Variants in SYN2 observed in about 807,000 individuals in gnomAD.
The protein encoded by SYN2 is synapsin-2.
Under a neutral mutation model 50.9 loss-of-function variants are expected in SYN2, and 19 were observed. The observed-to-expected ratio is 0.37, with a 90% confidence interval of 0.26 to 0.55. SYN2 has a LOEUF of 0.55. Among genes scored for constraint, SYN2 ranks in the 20% least tolerant of loss-of-function variants. The probability of loss-of-function intolerance (pLI) is 0.81; values close to 1 mark genes in which losing one functional copy is unlikely to be tolerated. For synonymous variants in SYN2, 255 were observed against 224.9 expected, an observed-to-expected ratio of 1.13 and a Z score of -1.20; for missense variants, 587 against 576.4, an observed-to-expected ratio of 1.02 and a Z score of -0.19.
chr3:12,165,941 A>G (rs568952004), intron 7 of SYN2, among the ~76,000 whole-genome samples: 4 of 152,306 alleles, frequency 2.6e-5, no homozygotes, highest in Admixed American at 2.0e-4. Flanking sequence ...TGGACTAGAT[A>G]TATAATCTCG....
intron 1 of SYN2, among the ~76,000 whole-genome samples, chr3:12,127,892 T>C (rs1696705388): frequency 6.6e-6 from 1 of 152,194 alleles, no homozygotes; most frequent in African/African-American, 2.4e-5. Context: ...ACAGAATCAA[T>C]GCATCAGCAA....
Position 12,161,609 on chromosome 3 carries a change from G to A in SYN2, c.837+1G>A. On this transcript the variant is annotated splice_donor_variant, in intron 6 of 12. Coordinates refer to ENST00000621198, the MANE Select transcript of SYN2 (RefSeq NM_133625.6). LOFTEE classifies it high-confidence loss of function. ...CCACGCTCACTCAGGCATGGGCAAG[G>A]TGAGGCAGAGAGGCCTGCTGTGCTT... 1 of 1,614,056 alleles carries A rather than the reference G, an allele frequency of 6.2e-7. No homozygotes were observed. Among genetic ancestry groups the A allele is most frequent in the Non-Finnish European group, 8.5e-7 (1 of 1,179,900 alleles).
intron 1 of SYN2, among the ~76,000 whole-genome samples, chr3:12,114,963 A>G (rs1696400448): frequency 6.6e-6 from 1 of 152,084 alleles, no homozygotes; most frequent in African/African-American, 2.4e-5. Context: ...TTTCCTCCAC[A>G]ATATGCCCCC....
intron 4 of SYN2, among the ~76,000 whole-genome samples, chr3:12,150,070 C>T (rs994344537): frequency 2.6e-5 from 4 of 152,224 alleles, no homozygotes; most frequent in Non-Finnish European, 5.9e-5. Flanking sequence ...GCCCCAACCT[C>T]GTCTCCCCTC....
At chr3:12,152,924 C>T (rs902916459) in intron 5 of SYN2, 16 of 176,396 alleles carry the variant, frequency 9.1e-5, no homozygotes, top group Admixed American at 3.2e-4. Context: ...GGGATAACAG[C>T]ATTGGAAGGC....
At chr3:12,064,828 G>T (rs1695177223) in intron 1 of SYN2, among the ~76,000 whole-genome samples, 1 of 152,094 alleles carries the variant, frequency 6.6e-6, no homozygotes, top group Non-Finnish European at 1.5e-5. Flanking sequence ...TTCCTCAGAA[G>T]TTAAATGTAG....
intron 1 of SYN2, among the ~76,000 whole-genome samples, chr3:12,084,687 A>G (rs1017690262): frequency 6.6e-6 from 1 of 152,232 alleles, no homozygotes; most frequent in East Asian, 1.9e-4. Context: ...AGGTTGAAAT[A>G]TTATATAGCT....
At chr3:12,071,498 G>A in intron 1 of SYN2, 1 of 410,600 alleles carries the variant, frequency 2.4e-6, no homozygotes, top group Non-Finnish European at 4.9e-6. Flanking sequence ...TGTCCTTGAA[G>A]CTTGTATCTG....
intron 5 of SYN2, among the ~76,000 whole-genome samples, chr3:12,154,949 G>A (rs1697413210): frequency 6.6e-6 from 1 of 152,158 alleles, no homozygotes; most frequent in African/African-American, 2.4e-5. Context: ...CACAGGCCAG[G>A]CTCCTGCTCT....
intron 1 of SYN2, among the ~76,000 whole-genome samples, chr3:12,052,306 C>CTT (rs201378913): frequency 2.1e-5 from 3 of 145,322 alleles, no homozygotes; most frequent in South Asian, 2.2e-4. Flanking sequence ...TTTTTTTCTT[C>CTT]TTTTTTTTTT....
chr3:12,100,491 C>T (rs1696048669), intron 1 of SYN2, among the ~76,000 whole-genome samples: 1 of 152,040 alleles, frequency 6.6e-6, no homozygotes, highest in Non-Finnish European at 1.5e-5. Context: ...AATGGATTTA[C>T]AAACTAAGTG....
chr3:12,118,968 C>T (rs540756251), intron 1 of SYN2, among the ~76,000 whole-genome samples: 6 of 152,132 alleles, frequency 3.9e-5, no homozygotes, highest in Middle Eastern at 3.4e-3. Context: ...TTTTTTCATA[C>T]CAAATCTTAG....
chr3:12,183,655 A>G (rs1316484862), intron 11 of SYN2: 2 of 1,382,338 alleles, frequency 1.4e-6, no homozygotes, highest in Non-Finnish European at 1.9e-6. Flanking sequence ...TTTTCTCTGT[A>G]TAACTTGTGA....
intron 1 of SYN2, among the ~76,000 whole-genome samples, chr3:12,011,139 C>G (rs76434916): frequency 0.048 from 7,328 of 152,224 alleles, 245 homozygotes; most frequent in East Asian, 0.14. Context: ...GGATATGATC[C>G]TGAAAAAGCT....
intron 1 of SYN2, among the ~76,000 whole-genome samples, chr3:12,067,096 C>G (rs1444195872): frequency 6.6e-6 from 1 of 152,124 alleles, no homozygotes; most frequent in Non-Finnish European, 1.5e-5. Flanking sequence ...CTGGGTCCCT[C>G]CCACGACATG....
Position 12,143,263 on chromosome 3 carries a change from C to T in SYN2, c.527+1267C>T, listed in dbSNP as rs143865068. On this transcript the variant is annotated intron_variant, in intron 3 of 12. Coordinates refer to ENST00000621198, the MANE Select transcript of SYN2 (RefSeq NM_133625.6). ...CTGGGACACAAGAAGGTCAGAGCAG[C>T]TCTAACAGATGCCATATTTCTGTTT... is the stretch of plus-strand genomic sequence containing the variant. 4.6e-3 allele frequency among the ~76,000 whole-genome samples: 696 copies of T among 152,222 alleles called. 5 individuals are homozygous for T. The highest frequency in any genetic ancestry group is 0.016 in the African/African-American group (644 of 41,528).
intron 12 of SYN2, among the ~76,000 whole-genome samples, chr3:12,189,896 A>T (rs1698414566): frequency 6.6e-6 from 1 of 152,220 alleles, no homozygotes; most frequent in Admixed American, 6.5e-5. Flanking sequence ...CAGAGAAGAG[A>T]TCAGAATAGA....
intron 1 of SYN2, chr3:12,070,708 G>A: frequency 4.9e-6 from 5 of 1,010,462 alleles, no homozygotes; most frequent in Non-Finnish European, 7.3e-6. Flanking sequence ...CCCTGGAGAT[G>A]GGGTCACTCA....
intron 1 of SYN2, among the ~76,000 whole-genome samples, chr3:12,035,587 A>G (rs116265536): frequency 0.011 from 1,643 of 152,360 alleles, 8 homozygotes; most frequent in Non-Finnish European, 0.017. Flanking sequence ...GCAAAGCCAT[A>G]CATTGATATA....
Sources: allele counts gnomAD v4.1 joint callset (sites outside exome capture counted in the v4.1 genomes callset), GRCh38; gene constraint gnomAD v4.1.1; transcripts MANE v1.5; gene names NCBI Gene and HGNC (gene_info 2026-07-23, HGNC 2026-07-21).